The following AKR1C2 variants were observed in gnomAD, a reference collection of about 807,000 sequenced individuals.
The protein encoded by AKR1C2 is aldo-keto reductase family 1 member C2.
AKR1C2 carries 27 observed loss-of-function variants against 39.8 expected under a neutral mutation model. The observed-to-expected ratio is 0.68, with a 90% CI of 0.50 to 0.93. The LOEUF (loss-of-function observed/expected upper bound fraction) is 0.93, where lower values mean the gene tolerates loss of function less well. Ranked by LOEUF, AKR1C2 falls within the 40% of genes least tolerant of loss-of-function variation. AKR1C2 has a pLI of 0.00. For synonymous variants in AKR1C2, 114 were observed against 137.9 expected, an observed-to-expected ratio of 0.83 and a Z score of 1.22; for missense variants, 263 against 365.1, an observed-to-expected ratio of 0.72 and a Z score of 2.28.
chr10:5,002,274 A>G (rs1435516839), intron 1 of AKR1C2, among the ~76,000 whole-genome samples: 2 of 152,264 alleles, frequency 1.3e-5, no homozygotes, highest in Non-Finnish European at 2.9e-5. Context: ...GCAGGTGCAC[A>G]GAAACCCCAC....
At chr10:5,006,852 G>A (rs1437885909), upstream of AKR1C2, among the ~76,000 whole-genome samples, 1 of 150,526 alleles carries the variant, frequency 6.6e-6, no homozygotes, top group Non-Finnish European at 1.5e-5. Context: ...TCAGCTCACT[G>A]CAATCTCTTT....
intron 1 of AKR1C2, chr10:5,015,960 AG>A (rs1245148840): frequency 6.6e-6 from 1 of 152,132 alleles, no homozygotes; most frequent in Non-Finnish European, 1.5e-5. Flanking sequence ...AGAGAGAGAA[AG>A]AAGGTGGAGG....
At chr10:5,016,881 T>C (rs1427436468) in intron 1 of AKR1C2, among the ~76,000 whole-genome samples, 1 of 152,242 alleles carries the variant, frequency 6.6e-6, no homozygotes, top group Non-Finnish European at 1.5e-5. Flanking sequence ...TCTTAGTCTC[T>C]GAGCAGGCAC....
In AKR1C2 at chr10:4,989,834, T is replaced by G. The variant is rs1354413589; in HGVS notation, c.*162A>C. ...TTCAAAATGAAAAACAAAATTATTG[T>G]CTTTCTTTTCCGGCCGATGGGCTTA... On this transcript the variant is annotated 3_prime_UTR_variant, in exon 9 of 9. Coordinates refer to ENST00000380753, the MANE Select transcript of AKR1C2 (RefSeq NM_001393392.1). 6 of 1,057,620 alleles carry G rather than the reference T, an allele frequency of 5.7e-6. No individual in the cohort carries two copies. Among genetic ancestry groups the G allele is most frequent in the Non-Finnish European group, 8.2e-6 (6 of 735,504 alleles). The allele number at this position is 1,057,620 out of a possible 1,614,324, so 65.5% of individuals were successfully genotyped here.
chr10:5,011,448 T>C (rs1291141390), intron 1 of AKR1C2, among the ~76,000 whole-genome samples: 13 of 152,222 alleles, frequency 8.5e-5, no homozygotes, highest in African/African-American at 2.9e-4. Flanking sequence ...AAAAATAAAA[T>C]AAATAAAACA....
chr10:5,002,617 A>G (rs1350347911), intron 1 of AKR1C2, among the ~76,000 whole-genome samples: 3 of 152,234 alleles, frequency 2.0e-5, no homozygotes, highest in Admixed American at 2.0e-4. Flanking sequence ...ATTTACAATT[A>G]TTGACTTATG....
chr10:5,000,398 C>T, intron 3 of AKR1C2, 152 bp downstream of exon 3: 1 of 1,562,494 alleles, frequency 6.4e-7, no homozygotes, highest in Non-Finnish European at 8.7e-7. Flanking sequence ...CTTTCTGTTC[C>T]ATAGAAAGGA....
At chr10:4,991,296 C>A (rs1554772219) in intron 8 of AKR1C2, among the ~76,000 whole-genome samples, 1 of 151,528 alleles carries the variant, frequency 6.6e-6, no homozygotes, top group Non-Finnish European at 1.5e-5. Context: ...CATGGGCAAA[C>A]ATGCAAAGAA....
rs374218894 is a variant in AKR1C2, at chr10:5,001,534, C to T, written c.232G>A (p.Asp78Asn). Residue 78 changes from aspartate (D) to asparagine (N), a missense_variant, in exon 2 of 9, where the codon GAC becomes AAC. Coordinates refer to ENST00000380753, the MANE Select transcript of AKR1C2 (RefSeq NM_001393392.1). ...KIADGSVKRE[D>N]IFYTSKLWSN... ...AGTACCTTTGAAGTGTAGAATATGT[C>T]TTCTCTCTTCACACTGCCATCTGCA... The T allele has an allele frequency of 5.6e-6, 9 of 1,613,840 alleles. No homozygotes were observed. Among genetic ancestry groups the T allele is most frequent in the Non-Finnish European group, 7.6e-6 (9 of 1,179,850 alleles).
chr10:5,002,252 T>C (rs186740927), intron 1 of AKR1C2, among the ~76,000 whole-genome samples: 31 of 152,278 alleles, frequency 2.0e-4, no homozygotes, highest in African/African-American at 7.5e-4. Flanking sequence ...TCTTCCAGTC[T>C]CCAAAAGCAA....
chr10:5,000,767 A>T, intron 2 of AKR1C2, 101 bp from the exon 3 acceptor site: 1 of 1,063,384 alleles, frequency 9.4e-7, no homozygotes, highest in East Asian at 2.4e-5. Context: ...CTTCAAAACT[A>T]ATGACCACAG....
At chr10:5,011,483 G>A (rs1227200602) in intron 1 of AKR1C2, among the ~76,000 whole-genome samples, 3 of 152,190 alleles carry the variant, frequency 2.0e-5, no homozygotes, top group Non-Finnish European at 4.4e-5. Flanking sequence ...CTTCACTACA[G>A]ATCTAATGAA....
At chr10:5,005,913 A>C (rs1466314225), upstream of AKR1C2, 1 of 152,248 alleles carries the variant, frequency 6.6e-6, no homozygotes, top group Non-Finnish European at 1.5e-5. Flanking sequence ...TACAGAAATT[A>C]TAAAAAGAAA....
Position 5,003,852 on chromosome 10 carries a change from G to A in AKR1C2, c.-17C>T, listed in dbSNP as rs377207120. On this transcript the variant is annotated 5_prime_UTR_variant, in exon 1 of 9. Transcript: ENST00000380753. ...CGAATCCATTTCTGTCACTGGCCTGGTTAGCAAATGTTTCTTCCTCCCTCA... is the reference window on the plus strand; with the variant it reads ...CGAATCCATTTCTGTCACTGGCCTGATTAGCAAATGTTTCTTCCTCCCTCA... 1.8e-5 allele frequency: 29 copies of A among 1,613,858 alleles called. No homozygotes were observed. In the South Asian group the frequency reaches 3.2e-4, roughly 18 times the overall value.
intron 8 of AKR1C2, among the ~76,000 whole-genome samples, chr10:4,990,356 T>C (rs1554772042): frequency 6.6e-6 from 1 of 152,218 alleles, no homozygotes; most frequent in African/African-American, 2.4e-5. Flanking sequence ...TCTGACCTTT[T>C]CTATTTCAAA....
chr10:5,017,510 T>C (rs1837667592), intron 1 of AKR1C2, among the ~76,000 whole-genome samples: 1 of 152,188 alleles, frequency 6.6e-6, no homozygotes. Context: ...AAGAGTGACC[T>C]TTACTCCAGT....
intron 1 of AKR1C2, chr10:5,013,746 A>G (rs1445325957): frequency 3.3e-5 from 5 of 152,212 alleles, no homozygotes; most frequent in Non-Finnish European, 7.3e-5. Flanking sequence ...ATTTTAAAAC[A>G]TATAGTTTAT....
At chr10:5,000,180 A>G in intron 3 of AKR1C2, 1 of 1,397,158 alleles carries the variant, frequency 7.2e-7, no homozygotes, top group South Asian at 1.7e-5. Flanking sequence ...TGTGCACCCT[A>G]TGTGCAGCAG....
intron 1 of AKR1C2, among the ~76,000 whole-genome samples, chr10:5,009,177 A>G (rs1837468692): frequency 6.6e-6 from 1 of 152,184 alleles, no homozygotes; most frequent in Admixed American, 6.5e-5. Flanking sequence ...TAATTATGAC[A>G]TTAGTTGAAA....
Sources: allele counts gnomAD v4.1 joint callset (sites outside exome capture counted in the v4.1 genomes callset), GRCh38; gene constraint gnomAD v4.1.1; transcripts MANE v1.5; gene names NCBI Gene and HGNC (gene_info 2026-07-23, HGNC 2026-07-21).